The following MAP4K4 variants were observed in gnomAD, a reference collection of about 807,000 sequenced individuals.
MAP4K4 encodes HPK/GCK-like kinase HGK.
A neutral mutation model predicts 189.6 loss-of-function variants in MAP4K4; 38 were observed. The observed-to-expected ratio is 0.20, with a 90% CI of 0.15 to 0.26. The LOEUF (loss-of-function observed/expected upper bound fraction) is 0.26, where lower values mean the gene tolerates loss of function less well. Ranked by LOEUF, MAP4K4 falls within the 10% of genes least tolerant of loss-of-function variation. The pLI, the probability that MAP4K4 is intolerant of heterozygous loss-of-function variation, is 1.00. For synonymous variants in MAP4K4, 610 were observed against 624.3 expected (o/e 0.98, Z 0.34); for missense variants, 1,054 against 1,726.9 (o/e 0.61, Z 6.91).
chr2:101,767,714 C>T (rs1301279929), intron 2 of MAP4K4, among the ~76,000 whole-genome samples: 1 of 152,224 alleles, frequency 6.6e-6, no homozygotes, highest in Non-Finnish European at 1.5e-5. Context: ...CCAGACTGAT[C>T]TCCTCGCAGA....
intron 2 of MAP4K4, among the ~76,000 whole-genome samples, chr2:101,778,690 C>T (rs1025915846): frequency 2.0e-5 from 3 of 152,080 alleles, no homozygotes; most frequent in East Asian, 3.9e-4. Flanking sequence ...GGCAGGGAGT[C>T]GTATGAAGGG....
At chr2:101,749,105 A>T (rs1303642393) in intron 2 of MAP4K4, among the ~76,000 whole-genome samples, 6 of 149,422 alleles carry the variant, frequency 4.0e-5, no homozygotes, top group African/African-American at 1.5e-4. Context: ...TACAGATTCA[A>T]TGCCATCCCC....
chr2:101,806,632 C>T (rs552108614), intron 3 of MAP4K4, among the ~76,000 whole-genome samples: 2 of 152,290 alleles, frequency 1.3e-5, no homozygotes, highest in Admixed American at 1.3e-4. Flanking sequence ...CCCGCCTTGG[C>T]CTCCCAAAGT....
chr2:101,886,312 A>G (rs547752857), intron 29 of MAP4K4, among the ~76,000 whole-genome samples: 1 of 152,298 alleles, frequency 6.6e-6, no homozygotes, highest in East Asian at 1.9e-4. Flanking sequence ...AATGGAGACC[A>G]CCAGCACAAT....
Position 101,869,595 on chromosome 2 carries a change from C to T in MAP4K4, c.2464-27C>T, listed in dbSNP as rs1300825049. 3.2e-6 allele frequency: 5 copies of T among 1,587,174 alleles called. No individual in the cohort carries two copies. In the Admixed American group the frequency reaches 8.7e-5, roughly 27 times the overall value. ...CCTGTCCCTGCTCCTGCTTGCCTTACTCTCTCTTTTCTGTCCTTTGCTTTA... is the reference window on the plus strand; with the variant it reads ...CCTGTCCCTGCTCCTGCTTGCCTTATTCTCTCTTTTCTGTCCTTTGCTTTA... On this transcript the variant is annotated intron_variant, in intron 21 of 32. Coordinates refer to ENST00000324219, the Ensembl canonical transcript of MAP4K4.
intron 2 of MAP4K4, among the ~76,000 whole-genome samples, chr2:101,746,176 C>T (rs1422945076): frequency 6.6e-6 from 1 of 151,922 alleles, no homozygotes; most frequent in Middle Eastern, 3.2e-3. Context: ...TTAGTAGAGA[C>T]ACGCTCTTGT....
At chr2:101,838,603 A>G (rs565710869) in intron 9 of MAP4K4, among the ~76,000 whole-genome samples, 1 of 152,344 alleles carries the variant, frequency 6.6e-6, no homozygotes, top group African/African-American at 2.4e-5. Flanking sequence ...AGTCTACTGT[A>G]ACAGGTTTTT....
intron 12 of MAP4K4, among the ~76,000 whole-genome samples, chr2:101,851,151 C>G (rs2097269412): frequency 6.6e-6 from 1 of 152,098 alleles, no homozygotes; most frequent in Admixed American, 6.5e-5. Context: ...ATAATTAAAG[C>G]TTAGTTGGAC....
At chr2:101,775,034 C>CTTT (rs77977516) in intron 2 of MAP4K4, among the ~76,000 whole-genome samples, 3 of 129,048 alleles carry the variant, frequency 2.3e-5, no homozygotes, top group African/African-American at 5.7e-5. Context: ...CCTATCCCCT[C>CTTT]TTTTTTTTTT....
At chr2:101,715,275 C>T (rs1432889984) in intron 2 of MAP4K4, among the ~76,000 whole-genome samples, 1 of 152,314 alleles carries the variant, frequency 6.6e-6, no homozygotes, top group Non-Finnish European at 1.5e-5. Context: ...TTCACTCTAA[C>T]AGCCTTATTT....
intron 15 of MAP4K4, 128 bp from the exon 16 acceptor site, chr2:101,860,697 C>G: frequency 1.4e-6 from 1 of 734,182 alleles, no homozygotes; most frequent in Non-Finnish European, 2.2e-6. Context: ...CCAGCTACCC[C>G]TCTCTTTTCT....
chr2:101,857,575 T>C (rs990542015), intron 13 of MAP4K4, among the ~76,000 whole-genome samples: 1 of 152,196 alleles, frequency 6.6e-6, no homozygotes, highest in East Asian at 1.9e-4. Context: ...ACAGTTGGGT[T>C]AAGGCCACAA....
chr2:101,792,597 T>TCTCCTCCTCCTCCTCCTCCTCCTCCTC lies in MAP4K4; in HGVS notation c.180+1827_180+1853dup, dbSNP rs60472010. ...ATACTTACTGCCACCTTCTCCTCCTTCTCCTCCTCCTCCTCCTCCTCCTCC... is the reference window on the plus strand; with the variant it reads ...ATACTTACTGCCACCTTCTCCTCCTTCTCCTCCTCCTCCTCCTCCTCCTCCTCCTCCTCCTCCTCCTCCTCCTCCTCC... On this transcript the variant is annotated intron_variant, in intron 3 of 32. Transcript: ENST00000324219. Among the ~76,000 whole-genome samples the TCTCCTCCTCCTCCTCCTCCTCCTCCTC allele has an allele frequency of 2.3e-4, 34 of 144,886 alleles. 2 individuals carry two copies. Among genetic ancestry groups the TCTCCTCCTCCTCCTCCTCCTCCTCCTC allele is most frequent in the African/African-American group, 8.5e-4 (31 of 36,592 alleles).
intron 2 of MAP4K4, among the ~76,000 whole-genome samples, chr2:101,789,980 G>A (rs150547243): frequency 0.014 from 2,091 of 152,146 alleles, 152 homozygotes; most frequent in Admixed American, 0.11. Context: ...TCATCCCCCC[G>A]ACTTCTTTAT....
intron 3 of MAP4K4, among the ~76,000 whole-genome samples, chr2:101,812,369 A>G (rs1002956669): frequency 6.6e-6 from 1 of 152,204 alleles, no homozygotes; most frequent in African/African-American, 2.4e-5. Flanking sequence ...CTCTTCGCAG[A>G]CGGAGGACAT....
At chr2:101,818,076 T>C (rs2095829423) in intron 3 of MAP4K4, among the ~76,000 whole-genome samples, 1 of 152,176 alleles carries the variant, frequency 6.6e-6, no homozygotes, top group Non-Finnish European at 1.5e-5. Flanking sequence ...TAAATTTGAT[T>C]AATTCTGTGC....
chr2:101,798,859 T>A (rs1368467673), intron 3 of MAP4K4, among the ~76,000 whole-genome samples: 1 of 152,238 alleles, frequency 6.6e-6, no homozygotes, highest in Admixed American at 6.5e-5. Flanking sequence ...TTCTCATCTT[T>A]TGTAATCACA....
At chr2:101,744,691 C>T (rs1042560798) in intron 2 of MAP4K4, among the ~76,000 whole-genome samples, 2 of 152,076 alleles carry the variant, frequency 1.3e-5, no homozygotes, top group South Asian at 4.1e-4. Context: ...CTGCCAGCCT[C>T]TTCCCTCGCT....
intron 22 of MAP4K4, 65 bp from the exon 23 acceptor site, chr2:101,870,230 G>A (rs980840915): frequency 1.9e-6 from 3 of 1,561,844 alleles, no homozygotes; most frequent in South Asian, 1.2e-5. Context: ...AAGGCGAAAA[G>A]CCTAAACAGG....
Sources: gnomAD v4.1 joint callset for allele counts (sites outside exome capture counted in the v4.1 genomes callset) on GRCh38, gnomAD v4.1.1 for gene constraint, MANE v1.5 for transcripts, NCBI Gene and HGNC (gene_info 2026-07-23, HGNC 2026-07-21) for gene names.